The following TRDN variants were observed in gnomAD, a reference collection of about 807,000 sequenced individuals.
TRDN encodes the protein triadin in skeletal muscle.
In TRDN, 161 loss-of-function variants were observed where a neutral mutation model predicts 149.7. That is an observed-to-expected ratio of 1.08 (90% CI 0.95 to 1.23). The LOEUF (loss-of-function observed/expected upper bound fraction) is 1.23, where lower values mean the gene tolerates loss of function less well. Among genes scored for constraint, TRDN ranks in the 50% most tolerant of loss-of-function variants. The pLI, the probability that TRDN is intolerant of heterozygous loss-of-function variation, is 0.00. For missense variants in TRDN, 896 were observed against 823.5 expected (o/e 1.09, Z -1.08); for synonymous variants, 294 against 250.5 (o/e 1.17, Z -1.64).
intron 7 of TRDN, among the ~76,000 whole-genome samples, chr6:123,509,294 T>G (rs1195537112): frequency 6.6e-6 from 1 of 152,084 alleles, no homozygotes; most frequent in Non-Finnish European, 1.5e-5. Flanking sequence ...CTTGTGGCAT[T>G]CATATCCTTG....
intron 12 of TRDN, among the ~76,000 whole-genome samples, chr6:123,420,597 C>A (rs1326443526): frequency 6.6e-6 from 1 of 152,038 alleles, no homozygotes; most frequent in Non-Finnish European, 1.5e-5. Flanking sequence ...TGAATAAAGA[C>A]AAAGTAAATG....
intron 13 of TRDN, among the ~76,000 whole-genome samples, chr6:123,389,035 A>G (rs762823531): frequency 1.3e-5 from 2 of 152,132 alleles, no homozygotes; most frequent in Non-Finnish European, 2.9e-5. Flanking sequence ...CAGGAAGGGA[A>G]AATAAATATC....
intron 1 of TRDN, among the ~76,000 whole-genome samples, chr6:123,635,590 A>G (rs1183141860): frequency 6.6e-6 from 1 of 152,022 alleles, no homozygotes; most frequent in Admixed American, 6.6e-5. Flanking sequence ...TCTCAGTGCA[A>G]GGTACAAATA....
chr6:123,312,529 C>A (rs1312367999), intron 24 of TRDN, among the ~76,000 whole-genome samples: 2 of 151,800 alleles, frequency 1.3e-5, no homozygotes, highest in African/African-American at 4.8e-5. Context: ...AGTTGTGCAT[C>A]CAGTTTATAT....
At chr6:123,371,369 T>C (rs1781321604) in intron 19 of TRDN, among the ~76,000 whole-genome samples, 1 of 152,192 alleles carries the variant, frequency 6.6e-6, no homozygotes, top group African/African-American at 2.4e-5. Context: ...TCAAGTGTGA[T>C]GTATTTTAAG....
chr6:123,227,680 C>T (rs764305955), intron 38 of TRDN, among the ~76,000 whole-genome samples: 72 of 152,008 alleles, frequency 4.7e-4, no homozygotes, highest in Non-Finnish European at 9.4e-4. Flanking sequence ...TATGTGTTAA[C>T]ACGTTTGATC....
At chr6:123,439,121 C>A in intron 10 of TRDN, 118 bp from the exon 11 acceptor site, 2 of 696,542 alleles carry the variant, frequency 2.9e-6, no homozygotes, top group Non-Finnish European at 2.4e-6. Context: ...TGTGACTGAG[C>A]AAGTAATTTA....
At chr6:123,396,305 G>A (rs1772731510) in intron 12 of TRDN, among the ~76,000 whole-genome samples, 3 of 152,108 alleles carry the variant, frequency 2.0e-5, no homozygotes, top group African/African-American at 7.2e-5. Flanking sequence ...ACAGGATAAT[G>A]AGCCCACCGT....
intron 24 of TRDN, among the ~76,000 whole-genome samples, chr6:123,304,002 G>T (rs1778517141): frequency 6.6e-6 from 1 of 152,038 alleles, no homozygotes; most frequent in Non-Finnish European, 1.5e-5. Context: ...CTTGGATGCT[G>T]GGTTCTGAAA....
At chr6:123,230,149 G>C (rs912458214) in intron 38 of TRDN, among the ~76,000 whole-genome samples, 4 of 151,848 alleles carry the variant, frequency 2.6e-5, no homozygotes, top group African/African-American at 9.7e-5. Flanking sequence ...ATGTTCATCA[G>C]TGATAGACTG....
At chr6:123,617,969 T>A (rs913745908) in intron 1 of TRDN, among the ~76,000 whole-genome samples, 8 of 152,100 alleles carry the variant, frequency 5.3e-5, no homozygotes, top group Non-Finnish European at 1.2e-4. Flanking sequence ...ACTCCTGACC[T>A]CAGGTGATCC....
chr6:123,544,277 A>G (rs2114415297), intron 4 of TRDN, among the ~76,000 whole-genome samples: 1 of 150,076 alleles, frequency 6.7e-6, no homozygotes, highest in Middle Eastern at 3.4e-3. Flanking sequence ...ACACACACAC[A>G]CACACACACA....
At chr6:123,518,918 C>A (rs970424358) in intron 5 of TRDN, among the ~76,000 whole-genome samples, 2 of 152,094 alleles carry the variant, frequency 1.3e-5, no homozygotes, top group African/African-American at 4.8e-5. Flanking sequence ...TTCAACACAG[C>A]AATGCAACAA....
At chr6:123,460,265 A>G (rs2114690402) in intron 10 of TRDN, among the ~76,000 whole-genome samples, 1 of 152,318 alleles carries the variant, frequency 6.6e-6, no homozygotes, top group Middle Eastern at 3.4e-3. Context: ...CAATGTCATG[A>G]AAGCAATCAC....
intron 13 of TRDN, among the ~76,000 whole-genome samples, chr6:123,390,668 G>T (rs1311036475): frequency 6.6e-6 from 1 of 152,066 alleles, no homozygotes; most frequent in East Asian, 1.9e-4. Flanking sequence ...TTCTAGAACG[G>T]TTTTGTAGCT....
chr6:123,436,078 C>T (rs775322303), intron 12 of TRDN, among the ~76,000 whole-genome samples: 5 of 152,064 alleles, frequency 3.3e-5, no homozygotes, highest in South Asian at 2.1e-4. Context: ...TTTGCATTTG[C>T]GTGCATATGA....
At chr6:123,473,505 G>A (rs1249873059) in intron 9 of TRDN, among the ~76,000 whole-genome samples, 1 of 152,092 alleles carries the variant, frequency 6.6e-6, no homozygotes, top group African/African-American at 2.4e-5. Flanking sequence ...ATGGAACCAA[G>A]TTGGAAAACA....
At position 123,599,127 on chromosome 6, in the gene TRDN, T is replaced by C. The variant is rs368300044; in HGVS notation, c.23-27995A>G. ...CTCTTCCCTTTAATGACAAACTCCC[T>C]AACTATTAATTGATAACAATGATAA... is the stretch of plus-strand genomic sequence containing the variant. On this transcript the variant is annotated intron_variant, in intron 1 of 40. Coordinates refer to ENST00000334268, the MANE Select transcript of TRDN (RefSeq NM_006073.4). 1.6e-3 allele frequency among the ~76,000 whole-genome samples: 248 copies of C among 152,234 alleles called. 1 individual carries two copies. Among genetic ancestry groups the C allele is most frequent in the African/African-American group, 5.7e-3 (237 of 41,566 alleles).
intron 30 of TRDN, among the ~76,000 whole-genome samples, chr6:123,270,728 T>C (rs1285113561): frequency 3.9e-5 from 6 of 152,008 alleles, no homozygotes; most frequent in Non-Finnish European, 8.8e-5. Flanking sequence ...TCCCTCTCTA[T>C]GGAGCTTCCA....
Sources: gnomAD v4.1 joint callset for allele counts (sites outside exome capture counted in the v4.1 genomes callset) on GRCh38, gnomAD v4.1.1 for gene constraint, MANE v1.5 for transcripts, NCBI Gene and HGNC (gene_info 2026-07-23, HGNC 2026-07-21) for gene names.